The following SLC66A1 variants were observed in gnomAD, a reference collection of about 807,000 sequenced individuals.
SLC66A1 encodes solute carrier family 66 member 1.
A neutral mutation model predicts 33.0 loss-of-function variants in SLC66A1; 23 were observed. The ratio of observed to expected loss-of-function variants is 0.70; its 90% CI spans 0.50 to 0.99. The LOEUF is 0.99. SLC66A1 is among the 50% of genes least tolerant of loss of function. SLC66A1 has a pLI of 0.00. For missense variants in SLC66A1, 335 were observed against 383.6 expected (o/e 0.87, Z 1.06); for synonymous variants, 164 against 175.5 (o/e 0.93, Z 0.52).
At chr1:19,316,139 C>T (rs988840939) in intron 1 of SLC66A1, among the ~76,000 whole-genome samples, 1 of 152,182 alleles carries the variant, frequency 6.6e-6, no homozygotes, top group Admixed American at 6.5e-5. Flanking sequence ...CCTGCCCACC[C>T]CTGCGATCAG....
chr1:19,319,787 C>T lies in SLC66A1; in HGVS notation c.164+1946C>T, dbSNP rs185015106. 1.3e-3 allele frequency among the ~76,000 whole-genome samples: 190 copies of T among 151,074 alleles called. 1 individual carries two copies. The highest frequency in any genetic ancestry group is 4.5e-3 in the African/African-American group (185 of 41,216). ...GTGTGGTGGCGCGTGCCTGTGGTCC[C>T]AGCTACTCGGGAGGCTGAGGCAGGG... is the stretch of plus-strand genomic sequence containing the variant. On this transcript the variant is annotated intron_variant, in intron 2 of 7. Coordinates refer to ENST00000375153, the MANE Select transcript of SLC66A1 (RefSeq NM_001040125.2).
intron 4 of SLC66A1, among the ~76,000 whole-genome samples, chr1:19,325,801 C>T (rs1033061582): frequency 5.9e-5 from 9 of 152,326 alleles, no homozygotes; most frequent in South Asian, 2.1e-4. Flanking sequence ...GACCACAGGC[C>T]GGTTCCTCTC....
Position 19,328,757 on chromosome 1 carries a change from G to T in SLC66A1, c.*114G>T. Reference sequence around the variant, plus strand: ...TGCATCAGCCTGCGGGTGGCCTCTGGATCCTCCGTGGACCGAACCGTCCCC... The same window carrying T: ...TGCATCAGCCTGCGGGTGGCCTCTGTATCCTCCGTGGACCGAACCGTCCCC... On this transcript the variant is annotated 3_prime_UTR_variant, in exon 8 of 8. Transcript: ENST00000375153. The surrounding 1 kb of genome is among the most constrained non-coding windows in gnomAD (Gnocchi z 4.7). The T allele has an allele frequency of 8.6e-7, 1 of 1,166,248 alleles. No individual in the cohort carries two copies. Among genetic ancestry groups the T allele is most frequent in the South Asian group, 1.4e-5 (1 of 72,718 alleles). 72.2% of individuals were successfully genotyped at this position (1,166,248 alleles called of 1,614,324 possible). A position where few individuals can be genotyped will look rare whatever the true frequency, so the allele number is the denominator to read the frequency against.
chr1:19,325,985 G>A (rs985807966), intron 4 of SLC66A1, among the ~76,000 whole-genome samples: 1 of 152,224 alleles, frequency 6.6e-6, no homozygotes, highest in Non-Finnish European at 1.5e-5. Flanking sequence ...GACCTGGGGA[G>A]GAAGTTGTCT....
At chr1:19,324,491 G>A (rs1569782638) in intron 2 of SLC66A1, 142 bp from the exon 3 acceptor site, 2 of 1,013,166 alleles carry the variant, frequency 2.0e-6, no homozygotes, top group South Asian at 1.5e-5. Context: ...TCCCGCCCGT[G>A]GGGAGGATGG....
chr1:19,317,429 C>G (rs2093811826), intron 1 of SLC66A1, among the ~76,000 whole-genome samples, 171 bp from the exon 2 acceptor site: 1 of 152,250 alleles, frequency 6.6e-6, no homozygotes, highest in Admixed American at 6.5e-5. Flanking sequence ...TTGCTGTGAT[C>G]TGTGCACCTG....
intron 3 of SLC66A1, among the ~76,000 whole-genome samples, chr1:19,325,149 AT>A (rs2093857092): frequency 6.6e-6 from 1 of 152,190 alleles, no homozygotes; most frequent in African/African-American, 2.4e-5. Context: ...TCAGGAAGGC[AT>A]TGTCTTCCCA....
intron 2 of SLC66A1, among the ~76,000 whole-genome samples, chr1:19,320,044 G>A (rs896756899): frequency 1.3e-5 from 2 of 148,654 alleles, no homozygotes; most frequent in East Asian, 2.1e-4. Flanking sequence ...ATACAGGCAT[G>A]CGCCACCATG....
At chr1:19,325,812 G>A (rs1213757750) in intron 4 of SLC66A1, among the ~76,000 whole-genome samples, 7 of 152,178 alleles carry the variant, frequency 4.6e-5, no homozygotes, top group African/African-American at 9.7e-5. Flanking sequence ...GGTTCCTCTC[G>A]CCCAGGGGCT....
downstream of SLC66A1, among the ~76,000 whole-genome samples, chr1:19,333,584 G>A (rs2093897680): frequency 6.6e-6 from 1 of 152,190 alleles, no homozygotes. The surrounding 1 kb of genome is among the most constrained non-coding windows in gnomAD (Gnocchi z 4.2). Context: ...CATCGGAGCT[G>A]AATGACGGGA....
intron 6 of SLC66A1, among the ~76,000 whole-genome samples, chr1:19,326,957 G>A (rs1052928661): frequency 3.9e-5 from 6 of 152,176 alleles, no homozygotes; most frequent in Non-Finnish European, 8.8e-5. Flanking sequence ...TGGGCAGCTA[G>A]AGCCTGTGTG....
intron 4 of SLC66A1, among the ~76,000 whole-genome samples, chr1:19,325,901 C>T (rs1412251458): frequency 2.6e-5 from 4 of 152,238 alleles, no homozygotes; most frequent in African/African-American, 9.6e-5. Context: ...GCAAGTCACA[C>T]AGGCTGCCTC....
downstream of SLC66A1, among the ~76,000 whole-genome samples, chr1:19,333,666 C>T (rs1301883619): frequency 6.6e-6 from 1 of 152,104 alleles, no homozygotes; most frequent in African/African-American, 2.4e-5. The surrounding 1 kb of genome is among the most constrained non-coding windows in gnomAD (Gnocchi z 4.2). Context: ...TAAACTGATC[C>T]ACTGGCCAGG....
chr1:19,321,631 A>T (rs2093838254), intron 2 of SLC66A1, among the ~76,000 whole-genome samples: 2 of 147,084 alleles, frequency 1.4e-5, no homozygotes, highest in Admixed American at 6.7e-5. Context: ...CAGTGGTGCG[A>T]TCTCAGCTCA....
intron 3 of SLC66A1, 74 bp downstream of exon 3, chr1:19,324,836 C>G (rs41264073): frequency 1.9e-6 from 3 of 1,563,864 alleles, no homozygotes; most frequent in Middle Eastern, 1.7e-4. Context: ...GAGGAGATGC[C>G]AGGCTCTTTG....
At chr1:19,327,047 G>T (rs2093871977) in intron 6 of SLC66A1, among the ~76,000 whole-genome samples, 180 bp from the exon 7 acceptor site, 1 of 152,192 alleles carries the variant, frequency 6.6e-6, no homozygotes, top group African/African-American at 2.4e-5. Flanking sequence ...GGCCTGGGGG[G>T]GCTTGTCTGT....
rs2093872888 is a variant in SLC66A1 at position 19,327,217 on chromosome 1, C to T, written c.619-10C>T. The stretch of plus-strand genomic sequence containing the variant: ...TTCGAGGTCTCTGACCTGACCTCCT[C>T]CTGCCCCAGTTCCTCCGGAAGTCCA... On this transcript the variant is annotated splice_polypyrimidine_tract_variant and intron_variant, in intron 6 of 7. Transcript: ENST00000375153. The T allele has an allele frequency of 2.5e-6, 4 of 1,611,332 alleles. No homozygotes were observed. The East Asian group carries it at 6.7e-5, about 27-fold the overall frequency.
chr1:19,325,442 G>A (rs1046099538), intron 3 of SLC66A1, 53 bp from the exon 4 acceptor site: 1 of 1,298,512 alleles, frequency 7.7e-7, no homozygotes, highest in African/African-American at 1.5e-5. Flanking sequence ...GCCGGGGCGT[G>A]GTCTCAGATC....
intron 2 of SLC66A1, 41 bp downstream of exon 2, chr1:19,317,882 G>A (rs2093814176): frequency 6.3e-7 from 1 of 1,588,884 alleles, no homozygotes; most frequent in Middle Eastern, 1.7e-4. Flanking sequence ...CAGGGCTGTG[G>A]GGTTGAGGCA....
Sources: allele counts gnomAD v4.1 joint callset (sites outside exome capture counted in the v4.1 genomes callset), GRCh38; gene constraint gnomAD v4.1.1; non-coding constraint Gnocchi (gnomAD v3.1); transcripts MANE v1.5; gene names NCBI Gene and HGNC (gene_info 2026-07-23, HGNC 2026-07-21).